The following ITSN1 variants were observed in gnomAD, a reference collection of about 807,000 sequenced individuals.
ITSN1 encodes the protein intersectin-1.
In ITSN1, 58 loss-of-function variants were observed where a neutral mutation model predicts 239.8. That is an observed-to-expected ratio of 0.24 (90% CI 0.20 to 0.30). The LOEUF is 0.30. Ranked by LOEUF, ITSN1 falls within the 10% of genes least tolerant of loss-of-function variation. The probability of loss-of-function intolerance (pLI) is 1.00; values close to 1 mark genes in which losing one functional copy is unlikely to be tolerated. For missense variants in ITSN1, 1,558 were observed against 2,103.3 expected, an observed-to-expected ratio of 0.74 and a Z score of 5.07; for synonymous variants, 780 against 770.8, an observed-to-expected ratio of 1.01 and a Z score of -0.20.
intron 36 of ITSN1, among the ~76,000 whole-genome samples, chr21:33,884,160 C>T (rs1347004139): frequency 6.6e-6 from 1 of 152,076 alleles, no homozygotes; most frequent in East Asian, 1.9e-4. Flanking sequence ...CCTTGGCCTC[C>T]CAGAATGCCA....
At chr21:33,826,224 C>T (rs927751067) in intron 25 of ITSN1, among the ~76,000 whole-genome samples, 1 of 152,080 alleles carries the variant, frequency 6.6e-6, no homozygotes, top group Non-Finnish European at 1.5e-5. Flanking sequence ...TGTATAAACT[C>T]TGTGAAATTG....
chr21:33,711,013 G>T (rs186092464), intron 1 of ITSN1, among the ~76,000 whole-genome samples: 4 of 152,016 alleles, frequency 2.6e-5, no homozygotes, highest in African/African-American at 7.2e-5. Context: ...GGATGGTCTC[G>T]ATCTCCTGAC....
At chr21:33,777,357 T>TA (rs1441402937) in intron 14 of ITSN1, among the ~76,000 whole-genome samples, 1 of 152,242 alleles carries the variant, frequency 6.6e-6, no homozygotes, top group African/African-American at 2.4e-5. Context: ...ACCCTGTTGA[T>TA]ACCTAATTTT....
At chr21:33,810,893 G>T (rs1287674358) in intron 20 of ITSN1, 82 bp from the exon 21 acceptor site, 2 of 1,492,010 alleles carry the variant, frequency 1.3e-6, no homozygotes, top group South Asian at 1.1e-5. Context: ...GAGGGCAGAG[G>T]CTTGGGACTT....
At chr21:33,867,544 T>C (rs1274036821) in intron 33 of ITSN1, among the ~76,000 whole-genome samples, 1 of 151,448 alleles carries the variant, frequency 6.6e-6, no homozygotes, top group East Asian at 1.9e-4. Flanking sequence ...CCCGCGCCTG[T>C]AATCCCAGCA....
chr21:33,761,799 T>A (rs1412895566), intron 8 of ITSN1, 124 bp from the exon 9 acceptor site: 1 of 683,094 alleles, frequency 1.5e-6, no homozygotes, highest in Non-Finnish European at 2.6e-6. Context: ...TAGTAGCAAA[T>A]GTTATTTAAA....
chr21:33,685,126 G>A (rs1347647479), intron 1 of ITSN1, among the ~76,000 whole-genome samples: 1 of 152,138 alleles, frequency 6.6e-6, no homozygotes, highest in African/African-American at 2.4e-5. Flanking sequence ...AGCAAGTTGC[G>A]TTTCATAGTG....
chr21:33,797,545 C>G lies in ITSN1; in HGVS notation c.2119C>G (p.Arg707Gly). The change falls in exon 18 of 40, where the codon CGG becomes GGG. Residue 707 changes from arginine (R) to glycine (G), a missense_variant. Physicochemically the swap from Arg to Gly is moderately radical, Grantham distance 125. Around this residue, in one of 2 missense-constraint regions of ITSN1, gnomAD observed 982 missense variants for 1,209.9 expected, o/e 0.81. Coordinates refer to ENST00000381318, the MANE Select transcript of ITSN1 (RefSeq NM_003024.3). This position sits in a 1 kb window ranked among gnomAD's most constrained non-coding sequence, Gnocchi z 4.9. ...ACAGGAAGCACAAGACAAGCTGGGT[C>G]GGCTTTTCCATCAACACCAAGAACC... ...GKQEAQDKLG[R>G]LFHQHQEPAK... 1 of 1,614,042 alleles carries G rather than the reference C, an allele frequency of 6.2e-7. No homozygotes were observed. Among genetic ancestry groups the G allele is most frequent in the Non-Finnish European group, 8.5e-7 (1 of 1,179,984 alleles).
At chr21:33,866,152 T>C (rs1981534438) in intron 32 of ITSN1, among the ~76,000 whole-genome samples, 1 of 152,166 alleles carries the variant, frequency 6.6e-6, no homozygotes, top group South Asian at 2.1e-4. Context: ...GCTTGTGGAA[T>C]CACTGTGGTG....
intron 24 of ITSN1, among the ~76,000 whole-genome samples, 182 bp from the exon 25 acceptor site, chr21:33,823,305 T>C (rs1034073168): frequency 1.4e-4 from 21 of 152,348 alleles, no homozygotes; most frequent in African/African-American, 4.8e-4. Flanking sequence ...TGAACTTTTA[T>C]GTGCACTGGG....
At chr21:33,822,331 C>T (rs941653032) in intron 24 of ITSN1, among the ~76,000 whole-genome samples, 1 of 152,150 alleles carries the variant, frequency 6.6e-6, no homozygotes, top group African/African-American at 2.4e-5. Flanking sequence ...TTACTCAACA[C>T]GAGGCTCGAC....
intron 20 of ITSN1, among the ~76,000 whole-genome samples, chr21:33,803,502 C>T (rs2072171196): frequency 6.6e-6 from 1 of 152,098 alleles, no homozygotes; most frequent in Admixed American, 6.5e-5. Context: ...TTATGTAGAT[C>T]ACATATACAC....
chr21:33,660,152 T>G (rs2146251506), intron 1 of ITSN1, among the ~76,000 whole-genome samples: 1 of 152,330 alleles, frequency 6.6e-6, no homozygotes. Context: ...ACTTTGCTCT[T>G]AATGGTTGCT....
intron 8 of ITSN1, 122 bp downstream of exon 8, chr21:33,755,519 C>T (rs937774670): frequency 1.0e-5 from 6 of 600,034 alleles, no homozygotes; most frequent in Non-Finnish European, 1.7e-5. Context: ...TTTCCTTTGT[C>T]TCTGTTATCT....
chr21:33,747,194 A>G (rs1026621985), intron 5 of ITSN1, among the ~76,000 whole-genome samples: 1 of 152,192 alleles, frequency 6.6e-6, no homozygotes, highest in African/African-American at 2.4e-5. Flanking sequence ...AACTAAAATG[A>G]AAAATTTACC....
intron 5 of ITSN1, among the ~76,000 whole-genome samples, chr21:33,745,598 C>T (rs1431310734): frequency 3.3e-5 from 5 of 152,200 alleles, no homozygotes; most frequent in Non-Finnish European, 7.3e-5. Context: ...AACACTTCAG[C>T]TTGGTAATGT....
intron 4 of ITSN1, among the ~76,000 whole-genome samples, chr21:33,727,873 G>A (rs535298942): frequency 2.5e-4 from 38 of 151,780 alleles, no homozygotes; most frequent in Admixed American, 2.0e-3. Context: ...ATCCTAACCT[G>A]TCATCTCACC....
Position 33,681,548 on chromosome 21 carries a change from C to T in ITSN1, c.-32-37249C>T, listed in dbSNP as rs79606910. ...TGGGCGACAGAGTGAGACTCCGTCT[C>T]AAAAAACAAAAGAAAGTAAACAGAT... On this transcript the variant is annotated intron_variant, in intron 1 of 39. Coordinates refer to ENST00000381318, the MANE Select transcript of ITSN1 (RefSeq NM_003024.3). Among the ~76,000 whole-genome samples, 148 of 151,836 alleles carry T rather than the reference C, an allele frequency of 9.7e-4. 3 individuals are homozygous for T. The East Asian group carries it at 0.025, about 26-fold the overall frequency.
chr21:33,735,991 G>A lies in ITSN1; in HGVS notation c.346+787G>A, dbSNP rs566586969. Among the ~76,000 whole-genome samples the A allele has an allele frequency of 1.0e-3, 154 of 152,238 alleles. 1 individual carries two copies. The highest frequency in any genetic ancestry group is 1.9e-3 in the Non-Finnish European group (128 of 68,012). On this transcript the variant is annotated intron_variant, in intron 5 of 39. Transcript: ENST00000381318. ...AGCCTGTGCGACAGAGCAAGACTTC[G>A]TCTCAAAACAAACGTGATTCCATAA...
Sources: allele counts gnomAD v4.1 joint callset (sites outside exome capture counted in the v4.1 genomes callset), GRCh38; gene constraint gnomAD v4.1.1; regional missense constraint gnomAD v4.1.1; non-coding constraint Gnocchi (gnomAD v3.1); transcripts MANE v1.5; gene names NCBI Gene and HGNC (gene_info 2026-07-23, HGNC 2026-07-21).